Variants in DPH6 observed in about 807,000 individuals in gnomAD.
The protein encoded by DPH6 is diphthine--ammonia ligase.
Under a neutral mutation model 38.2 loss-of-function variants are expected in DPH6, and 33 were observed. The ratio of observed to expected loss-of-function variants is 0.86; its 90% CI spans 0.65 to 1.15. The LOEUF is 1.15. Ranked by LOEUF, DPH6 falls within the 50% of genes most tolerant of loss-of-function variation. DPH6 has a pLI of 0.00. For missense variants in DPH6, 325 were observed against 320.0 expected (o/e 1.02, Z -0.12); for synonymous variants, 108 against 103.0 (o/e 1.05, Z -0.30).
Position 35,237,407 on chromosome 15 carries a change from C to A in DPH6, n.201-16825G>T, listed in dbSNP as rs535123218. On this transcript the variant is annotated intron_variant and non_coding_transcript_variant, in intron 3 of 3. Transcript: ENST00000560386. The stretch of plus-strand genomic sequence containing the variant: ...GAAAGAACTTGTCCTGGACAACAGT[C>A]GGTCGAATGAAGGCAAACTCGAAGG... 1.1e-5 allele frequency: 18 copies of A among 1,604,908 alleles called. No individual in the cohort carries two copies. In the East Asian group the frequency reaches 1.8e-4, roughly 16 times the overall value.
At chr15:35,452,377 C>A (rs940597590) in intron 4 of DPH6, among the ~76,000 whole-genome samples, 2 of 152,162 alleles carry the variant, frequency 1.3e-5, no homozygotes, top group Non-Finnish European at 2.9e-5. Flanking sequence ...GATCAGATTT[C>A]AAACCAAGAA....
chr15:35,255,076 C>A (rs977652437), intron 3 of DPH6, among the ~76,000 whole-genome samples: 1 of 152,056 alleles, frequency 6.6e-6, no homozygotes, highest in Non-Finnish European at 1.5e-5. Context: ...ACAGGGGATG[C>A]GATGGCCTGG....
intron 5 of DPH6, among the ~76,000 whole-genome samples, chr15:35,428,600 G>T (rs1156984909): frequency 6.6e-6 from 1 of 152,218 alleles, no homozygotes; most frequent in Non-Finnish European, 1.5e-5. Context: ...CCAAATGTTA[G>T]AAAGTTTCTA....
chr15:35,490,220 G>C, intron 3 of DPH6: 1 of 983,760 alleles, frequency 1.0e-6, no homozygotes, highest in Non-Finnish European at 1.2e-6. Context: ...AGGAAGGAAG[G>C]AAAGAAAAAA....
At chr15:35,378,757 C>T (rs574768671) in intron 7 of DPH6, among the ~76,000 whole-genome samples, 4 of 150,442 alleles carry the variant, frequency 2.7e-5, no homozygotes, top group African/African-American at 9.8e-5. Flanking sequence ...TTCTCACTCA[C>T]AAGTGGGAGT....
rs2053660241 is a variant in DPH6 at position 35,433,755 on chromosome 15, TA to T, written c.505+16929del. 2.0e-5 allele frequency among the ~76,000 whole-genome samples: 3 copies of T among 152,200 alleles called. No homozygotes were observed. In the South Asian group the frequency reaches 6.2e-4, roughly 32 times the overall value. On this transcript the variant is annotated intron_variant, in intron 5 of 8. Coordinates refer to ENST00000256538, the MANE Select transcript of DPH6 (RefSeq NM_080650.4). ...TTAAAATCAATTAATATTGAAGCTC[TA>T]AAAAACTGCATGTATCTGGGTCCCA...
intron 3 of DPH6, among the ~76,000 whole-genome samples, chr15:35,475,850 G>T: frequency 6.6e-6 from 1 of 151,448 alleles, no homozygotes; most frequent in Non-Finnish European, 1.5e-5. Context: ...AAACTGAGAA[G>T]AATATTAAAA....
chr15:35,334,244 A>C (rs2052349847), intron 3 of DPH6, among the ~76,000 whole-genome samples: 1 of 152,196 alleles, frequency 6.6e-6, no homozygotes, highest in African/African-American at 2.4e-5. Flanking sequence ...AACTTGCATC[A>C]ATTAATTCTA....
chr15:35,506,787 T>C (rs1278215372), intron 3 of DPH6, among the ~76,000 whole-genome samples: 2 of 152,218 alleles, frequency 1.3e-5, no homozygotes, highest in African/African-American at 4.8e-5. Flanking sequence ...ATTTTTTAAA[T>C]TGCATTTTTA....
intron 6 of DPH6, chr15:35,401,661 TC>T: frequency 1.3e-6 from 1 of 750,244 alleles, no homozygotes; most frequent in Admixed American, 1.7e-5. Context: ...AGGCAGAAAC[TC>T]TGGCTCCTAT....
intron 2 of DPH6, among the ~76,000 whole-genome samples, chr15:35,541,236 C>G (rs2055639583): frequency 6.6e-6 from 1 of 152,068 alleles, no homozygotes; most frequent in African/African-American, 2.4e-5. Flanking sequence ...TCCAGCATTA[C>G]TTACATCTTA....
chr15:35,333,680 T>C (rs1163803633), intron 3 of DPH6, among the ~76,000 whole-genome samples: 1 of 151,936 alleles, frequency 6.6e-6, no homozygotes. Context: ...TGGGTGGGAG[T>C]GTAAATTAGG....
the DPH6 span, among the ~76,000 whole-genome samples, chr15:35,207,532 C>A: frequency 8.5e-5 from 13 of 152,192 alleles, no homozygotes; most frequent in Admixed American, 3.3e-4. Context: ...AATAAGAATA[C>A]ACTCCATTAT....
At chr15:35,152,016 TCTTA>T in the DPH6 span, among the ~76,000 whole-genome samples, 3 of 152,198 alleles carry the variant, frequency 2.0e-5, no homozygotes, top group Admixed American at 6.5e-5. Context: ...TAAATAATTA[TCTTA>T]CTTGTTTTTA....
intron 6 of DPH6, among the ~76,000 whole-genome samples, chr15:35,397,859 TTATA>T (rs60188110): frequency 4.1e-4 from 46 of 112,576 alleles, no homozygotes; most frequent in African/African-American, 1.6e-3. Context: ...TGGAATCAAT[TTATA>T]TATATACACA....
intron 3 of DPH6, among the ~76,000 whole-genome samples, chr15:35,501,270 C>T (rs552743410): frequency 1.6e-3 from 247 of 152,052 alleles, no homozygotes; most frequent in Non-Finnish European, 2.7e-3. Flanking sequence ...TAAAAATAAT[C>T]TCTCTTATTA....
At chr15:35,257,864 G>C (rs1430877303) in intron 3 of DPH6, among the ~76,000 whole-genome samples, 1 of 151,606 alleles carries the variant, frequency 6.6e-6, no homozygotes, top group Non-Finnish European at 1.5e-5. Context: ...TACCTTGATT[G>C]AGTGGTGGTA....
At chr15:35,263,396 A>ATCTTTT (rs1158377350) in intron 3 of DPH6, among the ~76,000 whole-genome samples, 2 of 145,718 alleles carry the variant, frequency 1.4e-5, no homozygotes, top group African/African-American at 5.1e-5. Flanking sequence ...AACATAATTA[A>ATCTTTT]TCTTTTTTTT....
intron 3 of DPH6, chr15:35,520,224 A>C (rs2054903120): frequency 1.3e-6 from 1 of 753,892 alleles, no homozygotes; most frequent in Non-Finnish European, 1.5e-6. Flanking sequence ...ATGCTACAAA[A>C]AAAAACAAAA....
Sources: allele counts gnomAD v4.1 joint callset (sites outside exome capture counted in the v4.1 genomes callset), GRCh38; gene constraint gnomAD v4.1.1; transcripts MANE v1.5; gene names NCBI Gene and HGNC (gene_info 2026-07-23, HGNC 2026-07-21).